The following CELF2 variants were observed in gnomAD, a reference collection of about 807,000 sequenced individuals.
CELF2 encodes the protein CUGBP Elav-like family member 2, also known as CUG triplet repeat RNA-binding protein 2.
CELF2 carries 8 observed loss-of-function variants against 62.6 expected under a neutral mutation model. That is an observed-to-expected ratio of 0.13 (90% CI 0.07 to 0.23). The LOEUF (loss-of-function observed/expected upper bound fraction) is 0.23. CELF2 is among the 10% of genes least tolerant of loss of function. The probability of loss-of-function intolerance (pLI) is 1.00; values close to 1 mark genes in which losing one functional copy is unlikely to be tolerated. For synonymous variants in CELF2, 258 were observed against 250.0 expected, an observed-to-expected ratio of 1.03 and a Z score of -0.30; for missense variants, 333 against 671.0, an observed-to-expected ratio of 0.50 and a Z score of 5.56.
intron 1 of CELF2, among the ~76,000 whole-genome samples, chr10:11,018,506 C>T (rs1278474475): frequency 1.3e-5 from 2 of 148,900 alleles, no homozygotes; most frequent in Non-Finnish European, 3.0e-5. Context: ...GTCCACCGAC[C>T]GGCGCGAGGA....
chr10:11,304,013 G>A (rs544440928), intron 9 of CELF2, among the ~76,000 whole-genome samples: 75 of 152,192 alleles, frequency 4.9e-4, no homozygotes, highest in Non-Finnish European at 9.0e-4. Context: ...TTCCCAGTAC[G>A]GTGGAGCTGC....
rs1041249700 is a variant in CELF2 at position 10,993,904 on chromosome 10, G to GA, written c.89+73913dup. Among the ~76,000 whole-genome samples the GA allele has an allele frequency of 2.0e-5, 3 of 151,894 alleles. No individual in the cohort carries two copies. The highest frequency in any genetic ancestry group is 7.3e-5 in the African/African-American group (3 of 41,340). ...TCCAGTAGGACTAGTATCCTTATCA[G>GA]AAAAAAAAGACACTAGAGATGTGCA... On this transcript the variant is annotated intron_variant, in intron 2 of 13. Coordinates refer to the CELF2 transcript ENST00000636488. The surrounding 1 kb of genome is among the most constrained non-coding windows in gnomAD (Gnocchi z 5.3).
chr10:11,031,397 T>A (rs1284664781), intron 1 of CELF2, among the ~76,000 whole-genome samples: 1 of 152,246 alleles, frequency 6.6e-6, no homozygotes, highest in Non-Finnish European at 1.5e-5. Context: ...CACAGCTTTG[T>A]GCTCAAGTGC....
intron 4 of CELF2, among the ~76,000 whole-genome samples, chr10:11,251,728 A>G (rs1451948999): frequency 6.6e-6 from 1 of 152,212 alleles, no homozygotes; most frequent in Non-Finnish European, 1.5e-5. Context: ...ACTTGTTGTA[A>G]TGCCCGTCTT....
intron 2 of CELF2, among the ~76,000 whole-genome samples, chr10:10,999,291 G>T (rs2054282838): frequency 6.6e-6 from 1 of 152,186 alleles, no homozygotes; most frequent in Non-Finnish European, 1.5e-5. Context: ...ACCACACGTT[G>T]TTCTAAAGTG....
the CELF2 span, among the ~76,000 whole-genome samples, chr10:10,510,423 G>A: frequency 6.6e-6 from 1 of 152,194 alleles, no homozygotes; most frequent in African/African-American, 2.4e-5. Context: ...CTGAACAGCG[G>A]GGGAATGAGA....
chr10:10,581,151 G>C, the CELF2 span, among the ~76,000 whole-genome samples: 1 of 152,214 alleles, frequency 6.6e-6, no homozygotes, highest in Non-Finnish European at 1.5e-5. Context: ...TGAAATATAT[G>C]TGTTGTTTAC....
the CELF2 span, among the ~76,000 whole-genome samples, chr10:10,633,458 CTGTT>C: frequency 5.9e-5 from 9 of 152,178 alleles, no homozygotes; most frequent in South Asian, 1.7e-3. Flanking sequence ...CCATTTCCAA[CTGTT>C]TGTATCCATT....
rs1036809340 is a variant in CELF2 at position 10,911,996 on chromosome 10, T to C, written c.54-7968T>C. Reference sequence around the variant, plus strand: ...GGTCTTGTTTTAGCTGATCAGCATTTTGAATGTACAAACACAGGCTGCCCT... The same window carrying C: ...GGTCTTGTTTTAGCTGATCAGCATTCTGAATGTACAAACACAGGCTGCCCT... On this transcript the variant is annotated intron_variant, in intron 1 of 13. Transcript: ENST00000636488. 3.2e-4 allele frequency among the ~76,000 whole-genome samples: 48 copies of C among 152,216 alleles called. 1 individual carries two copies. Among genetic ancestry groups the C allele is most frequent in the Non-Finnish European group, 7.1e-4 (48 of 68,032 alleles).
chr10:10,737,524 CA>C, the CELF2 span, among the ~76,000 whole-genome samples: 4 of 152,212 alleles, frequency 2.6e-5, no homozygotes, highest in East Asian at 5.8e-4. Flanking sequence ...TTTCAATGCC[CA>C]TACTATGGAC....
intron 1 of CELF2, among the ~76,000 whole-genome samples, chr10:11,080,842 ACCACAAGTTGAT>A (rs1452251789): frequency 1.3e-5 from 2 of 152,180 alleles, no homozygotes; most frequent in Non-Finnish European, 2.9e-5. Context: ...AATTATATGA[ACCACAAGTTGAT>A]CCACGTCTGT....
chr10:11,293,001 G>C (rs2092714390), intron 9 of CELF2, among the ~76,000 whole-genome samples: 2 of 152,122 alleles, frequency 1.3e-5, no homozygotes, highest in African/African-American at 4.8e-5. Flanking sequence ...CACACTGTTG[G>C]CAACTGCGGT....
the CELF2 span, among the ~76,000 whole-genome samples, chr10:10,765,026 A>G: frequency 6.6e-6 from 1 of 152,188 alleles, no homozygotes; most frequent in Non-Finnish European, 1.5e-5. Flanking sequence ...GAGAAGCTAG[A>G]GCCAACACAA....
the CELF2 span, among the ~76,000 whole-genome samples, chr10:10,751,013 T>C: frequency 4.7e-4 from 72 of 152,302 alleles, no homozygotes; most frequent in Admixed American, 9.2e-4. Context: ...TCAAAATAAT[T>C]GTTTGAGGAT....
In CELF2 at chr10:10,876,771, G is replaced by T. The variant is rs140013425; in HGVS notation, c.54-43193G>T. On this transcript the variant is annotated intron_variant, in intron 1 of 13. Transcript: ENST00000636488. ...TTCTCCTGTCTTTAAAACCAAGAAA[G>T]CATCATCATGCACTCCAGATAAGAG... Among the ~76,000 whole-genome samples the T allele has an allele frequency of 3.3e-5, 5 of 152,286 alleles. No homozygotes were observed. In the South Asian group the frequency reaches 1.0e-3, roughly 32 times the overall value.
At chr10:10,617,856 T>A in the CELF2 span, among the ~76,000 whole-genome samples, 2 of 152,070 alleles carry the variant, frequency 1.3e-5, no homozygotes, top group African/African-American at 4.8e-5. Context: ...CTAATTTACA[T>A]TAACATTCCA....
chr10:11,064,528 A>G (rs764149562), intron 1 of CELF2, among the ~76,000 whole-genome samples: 1 of 152,220 alleles, frequency 6.6e-6, no homozygotes, highest in Non-Finnish European at 1.5e-5. Flanking sequence ...AGTAATAGCT[A>G]AGCAAGTGGT....
the CELF2 span, among the ~76,000 whole-genome samples, chr10:10,626,237 C>G: frequency 1.0e-5 from 1 of 96,484 alleles, no homozygotes; most frequent in African/African-American, 4.0e-5. Flanking sequence ...TGCAGAATCA[C>G]ACATTTTCCA....
rs946782865 is a variant in CELF2 at position 11,300,759 on chromosome 10, G to C, written c.976+12207G>C. ...CAGTTGGAATTCCGCATCCAAGCTC[G>C]TTTGAGGCAAAACGGCGACCGCGGG... On this transcript the variant is annotated intron_variant, in intron 9 of 12. Coordinates refer to ENST00000633077, the MANE Select transcript of CELF2 (RefSeq NM_001326342.2). The surrounding 1 kb of genome is among the most constrained non-coding windows in gnomAD (Gnocchi z 5.5). Among the ~76,000 whole-genome samples the C allele has an allele frequency of 6.6e-6, 1 of 152,154 alleles. No individual in the cohort carries two copies. Among genetic ancestry groups the C allele is most frequent in the Non-Finnish European group, 1.5e-5 (1 of 68,032 alleles).
Sources: gnomAD v4.1 joint callset for allele counts (sites outside exome capture counted in the v4.1 genomes callset) on GRCh38, gnomAD v4.1.1 for gene constraint, Gnocchi (gnomAD v3.1) non-coding constraint, MANE v1.5 for transcripts, NCBI Gene and HGNC (gene_info 2026-07-23, HGNC 2026-07-21) for gene names.